The following DUSP10 variants were observed in gnomAD, a reference collection of about 807,000 sequenced individuals.
DUSP10 encodes the protein dual specificity protein phosphatase 10.
Under a neutral mutation model 30.8 loss-of-function variants are expected in DUSP10, and 14 were observed. The observed-to-expected ratio is 0.46, with a 90% confidence interval of 0.30 to 0.71. The LOEUF is 0.71. Among genes scored for constraint, DUSP10 ranks in the 30% least tolerant of loss-of-function variants. DUSP10 has a pLI of 0.08. For synonymous variants in DUSP10, 254 were observed against 250.4 expected (o/e 1.01, Z -0.14); for missense variants, 550 against 619.4 (o/e 0.89, Z 1.19).
chr1:221,705,562 C>T (rs1660733454), intron 3 of DUSP10, among the ~76,000 whole-genome samples: 1 of 152,178 alleles, frequency 6.6e-6, no homozygotes, highest in African/African-American at 2.4e-5. Context: ...CCTGATCTTT[C>T]CTAGTTCAAT....
intron 2 of DUSP10, chr1:221,736,963 C>T (rs921324258): frequency 1.4e-5 from 14 of 985,354 alleles, no homozygotes; most frequent in Admixed American, 6.1e-5. Flanking sequence ...TGTCCTGCCC[C>T]GCCCCATTGA....
rs139827296 is a variant in DUSP10, at chr1:221,741,798, AC to A, written c.-44+182del. 3.4e-4 allele frequency among the ~76,000 whole-genome samples: 52 copies of A among 151,554 alleles called. No individual in the cohort carries two copies. The East Asian group carries it at 1.0e-2, about 29-fold the overall frequency. ...AGGAGCCAACGGCCGGAACCTTATA[AC>A]CCTACCTGCTGTAGCTCCTCCGTCA... On this transcript the variant is annotated intron_variant, in intron 1 of 3. Coordinates refer to ENST00000366899, the MANE Select transcript of DUSP10 (RefSeq NM_007207.6).
chr1:221,709,859 T>A (rs1001637628), intron 2 of DUSP10, among the ~76,000 whole-genome samples: 2 of 152,202 alleles, frequency 1.3e-5, no homozygotes, highest in Admixed American at 1.3e-4. Context: ...GAGGCCAAAG[T>A]GACTGATCAC....
At chr1:221,739,930 A>C in intron 1 of DUSP10, 143 bp from the exon 2 acceptor site, 1 of 865,316 alleles carries the variant, frequency 1.2e-6, no homozygotes. Context: ...TCAAAACTTG[A>C]AATTCATTTT....
At chr1:221,720,158 G>A (rs1661237357) in intron 2 of DUSP10, among the ~76,000 whole-genome samples, 1 of 152,126 alleles carries the variant, frequency 6.6e-6, no homozygotes, top group Admixed American at 6.5e-5. Flanking sequence ...AAAACCCCTG[G>A]AATCTCTGAA....
intron 2 of DUSP10, among the ~76,000 whole-genome samples, chr1:221,712,677 C>T (rs1264854861): frequency 6.8e-6 from 1 of 147,178 alleles, no homozygotes; most frequent in Non-Finnish European, 1.5e-5. Context: ...AAGTTAGTCC[C>T]TCCATTCATG....
intron 2 of DUSP10, among the ~76,000 whole-genome samples, chr1:221,723,292 A>T (rs1323059311): frequency 1.3e-5 from 2 of 152,226 alleles, no homozygotes; most frequent in Non-Finnish European, 2.9e-5. Flanking sequence ...TCTAGAATGC[A>T]AATGGCCATT....
chr1:221,732,198 A>G (rs1661630343), intron 2 of DUSP10, among the ~76,000 whole-genome samples: 1 of 152,196 alleles, frequency 6.6e-6, no homozygotes, highest in Non-Finnish European at 1.5e-5. Flanking sequence ...GAACAAACAA[A>G]TGAATCTCCT....
intron 2 of DUSP10, among the ~76,000 whole-genome samples, chr1:221,728,483 A>G (rs1033167416): frequency 6.6e-6 from 1 of 152,172 alleles, no homozygotes; most frequent in Admixed American, 6.5e-5. Flanking sequence ...CCTGAGCTAT[A>G]TTTGTAGGCT....
At chr1:221,730,299 G>A (rs749994677) in intron 2 of DUSP10, among the ~76,000 whole-genome samples, 13 of 152,150 alleles carry the variant, frequency 8.5e-5, no homozygotes, top group Non-Finnish European at 1.6e-4. Flanking sequence ...AAGATCAGTC[G>A]AGTTCGCATT....
In DUSP10 at chr1:221,738,997, G is replaced by C. The variant is rs1198997311; in HGVS notation, c.748C>G (p.Gln250Glu). ...TNEPSRVMPS[Q>E]PLHIVLESLK... ...GACTCGAGGACTATGTGAAGTGGCTGGGAGGGCATCACTCGGCTTGGTTCA... is the reference window on the plus strand; with the variant it reads ...GACTCGAGGACTATGTGAAGTGGCTCGGAGGGCATCACTCGGCTTGGTTCA... The change falls in exon 2 of 4, where the codon CAG (glutamine) becomes GAG (glutamate). Residue 250 changes from glutamine to glutamate, a missense_variant. Transcript: ENST00000366899. 1.9e-6 allele frequency: 3 copies of C among 1,614,136 alleles called. No individual in the cohort carries two copies. The highest frequency in any genetic ancestry group is 2.5e-6 in the Non-Finnish European group (3 of 1,179,988).
At chr1:221,717,212 A>G (rs1176040317) in intron 2 of DUSP10, among the ~76,000 whole-genome samples, 3 of 152,144 alleles carry the variant, frequency 2.0e-5, no homozygotes, top group Non-Finnish European at 2.9e-5. Flanking sequence ...CACACTGGGA[A>G]AGGCAGGGAA....
chr1:221,730,894 T>C (rs1399801622), intron 2 of DUSP10, among the ~76,000 whole-genome samples: 2 of 152,108 alleles, frequency 1.3e-5, no homozygotes, highest in African/African-American at 4.8e-5. Context: ...AGACATAACC[T>C]GGAAAAAACT....
chr1:221,714,407 G>A (rs1482450250), intron 2 of DUSP10, among the ~76,000 whole-genome samples: 4 of 152,156 alleles, frequency 2.6e-5, no homozygotes, highest in Non-Finnish European at 5.9e-5. Context: ...ATGCCAGCAG[G>A]AAAGAATTAC....
chr1:221,713,265 T>G (rs1200276993), intron 2 of DUSP10, among the ~76,000 whole-genome samples: 1 of 152,152 alleles, frequency 6.6e-6, no homozygotes, highest in Non-Finnish European at 1.5e-5. Flanking sequence ...GTGTACTCAG[T>G]GCTGTTAGCC....
intron 2 of DUSP10, among the ~76,000 whole-genome samples, chr1:221,732,570 C>A (rs150665704): frequency 6.6e-6 from 1 of 152,256 alleles, no homozygotes; most frequent in Admixed American, 6.5e-5. Context: ...ATGATACATA[C>A]GAATACCTCA....
At position 221,712,928 on chromosome 1, in the gene DUSP10, C is replaced by T. The variant is rs375599462; in HGVS notation, c.812-6462G>A. Among the ~76,000 whole-genome samples, 250 of 152,146 alleles carry T rather than the reference C, an allele frequency of 1.6e-3. 1 individual carries two copies. The highest frequency in any genetic ancestry group is 5.6e-3 in the African/African-American group (234 of 41,502). On this transcript the variant is annotated intron_variant, in intron 2 of 3. Transcript: ENST00000366899. ...ATAGGATACTACTACTTAGGTCTGT[C>T]GTAATGATTCAATGATTTTGTGTGT...
intron 2 of DUSP10, among the ~76,000 whole-genome samples, chr1:221,710,024 G>C (rs552898421): frequency 1.3e-5 from 2 of 152,270 alleles, no homozygotes; most frequent in African/African-American, 4.8e-5. Flanking sequence ...CTGCCTCCTA[G>C]CAGCTGTGAG....
rs879267039 is a variant in DUSP10 at position 221,722,964 on chromosome 1, AAGCGT to A, written c.811+15965_811+15969del. ...TGAAATGTAATAGGACATACCACAAAAGCGTAATTCCAGACAAGGCAAATGATTAA... is the reference window on the plus strand; with the variant it reads ...TGAAATGTAATAGGACATACCACAAAAATTCCAGACAAGGCAAATGATTAA... On this transcript the variant is annotated intron_variant, in intron 2 of 3. Transcript: ENST00000366899. Among the ~76,000 whole-genome samples, 1,309 of 152,332 alleles carry A rather than the reference AAGCGT, an allele frequency of 8.6e-3. 42 individuals are homozygous for A. The highest frequency in any genetic ancestry group is 0.061 in the East Asian group (316 of 5,186).
Sources: allele counts gnomAD v4.1 joint callset (sites outside exome capture counted in the v4.1 genomes callset), GRCh38; gene constraint gnomAD v4.1.1; transcripts MANE v1.5; gene names NCBI Gene and HGNC (gene_info 2026-07-23, HGNC 2026-07-21).